Variants in SNTB2 observed in about 807,000 individuals in gnomAD.
SNTB2 encodes beta-2-syntrophin.
In SNTB2, 34 loss-of-function variants were observed where a neutral mutation model predicts 46.2. The ratio of observed to expected loss-of-function variants is 0.74; its 90% CI spans 0.56 to 0.98. The LOEUF (loss-of-function observed/expected upper bound fraction) is 0.98, where lower values mean the gene tolerates loss of function less well. SNTB2 is among the 50% of genes least tolerant of loss of function. SNTB2 has a pLI of 0.00. For missense variants in SNTB2, 603 were observed against 731.4 expected, an observed-to-expected ratio of 0.82 and a Z score of 2.02; for synonymous variants, 290 against 312.6, an observed-to-expected ratio of 0.93 and a Z score of 0.76.
rs1159581298 is a variant in SNTB2, at chr16:69,256,049, G to A, written c.795-4001G>A. Among the ~76,000 whole-genome samples the A allele has an allele frequency of 6.6e-5, 10 of 151,792 alleles. No individual in the cohort carries two copies. The East Asian group carries it at 1.2e-3, about 18-fold the overall frequency. On this transcript the variant is annotated intron_variant, in intron 2 of 6. Coordinates refer to ENST00000336278, the MANE Select transcript of SNTB2 (RefSeq NM_006750.4). ...AAAAGTACAAAAACTAGCCATGCGT[G>A]GTGGCCGGCGCCTGTAGTCCCAGCT...
rs1467249583 is a variant in SNTB2, at chr16:69,289,390, A to C, written c.1345+5146A>C. On this transcript the variant is annotated intron_variant, in intron 5 of 6. Transcript: ENST00000336278. ...GAAGGGTTGGTTAATGGGTATAAAC[A>C]TACAATTAGAAAGAAGGAATAAATT... Among the ~76,000 whole-genome samples, 4 of 152,164 alleles carry C rather than the reference A, an allele frequency of 2.6e-5. No individual in the cohort carries two copies. The East Asian group carries it at 7.7e-4, about 29-fold the overall frequency.
At chr16:69,295,576 T>G (rs547832155) in intron 5 of SNTB2, among the ~76,000 whole-genome samples, 1 of 152,222 alleles carries the variant, frequency 6.6e-6, no homozygotes, top group South Asian at 2.1e-4. Flanking sequence ...CTGACTTATC[T>G]ATAAATTGGA....
intron 1 of SNTB2, among the ~76,000 whole-genome samples, chr16:69,189,450 A>G (rs1488650979): frequency 6.6e-6 from 1 of 151,892 alleles, no homozygotes; most frequent in African/African-American, 2.4e-5. Context: ...CCATATTTAG[A>G]AAAAAAACAC....
intron 2 of SNTB2, among the ~76,000 whole-genome samples, chr16:69,252,963 G>A (rs1417133108): frequency 1.4e-5 from 2 of 147,214 alleles, no homozygotes; most frequent in Non-Finnish European, 3.0e-5. Context: ...GCAGTGGCAC[G>A]ATCTTGGCTC....
At chr16:69,207,897 C>T (rs961364649) in intron 1 of SNTB2, among the ~76,000 whole-genome samples, 1 of 151,426 alleles carries the variant, frequency 6.6e-6, no homozygotes, top group Non-Finnish European at 1.5e-5. Flanking sequence ...CACCTGAGAT[C>T]AGGAGTTCGA....
At chr16:69,295,115 C>G (rs1348427629) in intron 5 of SNTB2, among the ~76,000 whole-genome samples, 18 of 152,034 alleles carry the variant, frequency 1.2e-4, no homozygotes, top group Non-Finnish European at 8.8e-5. Flanking sequence ...GCCACTGCGC[C>G]CAGCCAAAAC....
At chr16:69,200,663 GTTTA>G (rs1036519318) in intron 1 of SNTB2, among the ~76,000 whole-genome samples, 8 of 152,024 alleles carry the variant, frequency 5.3e-5, no homozygotes, top group African/African-American at 1.2e-4. Flanking sequence ...GTTTTGTTTC[GTTTA>G]TTTATTTTAT....
chr16:69,235,753 T>A (rs1964553629), intron 1 of SNTB2: 1 of 1,289,242 alleles, frequency 7.8e-7, no homozygotes, highest in African/African-American at 1.5e-5. Flanking sequence ...TTCAGGCCTA[T>A]AATGAGGAAA....
intron 1 of SNTB2, among the ~76,000 whole-genome samples, chr16:69,217,923 C>G (rs1253151489): frequency 6.6e-6 from 1 of 152,126 alleles, no homozygotes; most frequent in Non-Finnish European, 1.5e-5. Flanking sequence ...TGAATTATTA[C>G]TGAGGTCTCC....
intron 2 of SNTB2, 91 bp downstream of exon 2, chr16:69,245,906 A>G: frequency 1.6e-6 from 2 of 1,262,394 alleles, no homozygotes; most frequent in Non-Finnish European, 2.3e-6. Context: ...ACTCAGTTAT[A>G]CAGAGGAAAA....
At chr16:69,242,882 G>T (rs902713559) in intron 1 of SNTB2, among the ~76,000 whole-genome samples, 1 of 152,110 alleles carries the variant, frequency 6.6e-6, no homozygotes, top group African/African-American at 2.4e-5. Context: ...TTAGCCGGGC[G>T]TGGTGGCGGG....
At chr16:69,265,830 GAA>G (rs762058012) in intron 3 of SNTB2, among the ~76,000 whole-genome samples, 2,658 of 67,494 alleles carry the variant, frequency 0.039, 84 homozygotes, top group African/African-American at 0.12. Flanking sequence ...CCGTGCCAAA[GAA>G]AAAAAAAAAA....
At chr16:69,274,526 G>A (rs986966778) in intron 4 of SNTB2, among the ~76,000 whole-genome samples, 4 of 151,822 alleles carry the variant, frequency 2.6e-5, no homozygotes, top group East Asian at 3.9e-4. Context: ...GGTGGCGGGC[G>A]CCTGTGGTCC....
intron 4 of SNTB2, among the ~76,000 whole-genome samples, chr16:69,275,259 C>G (rs1008458000): frequency 2.0e-5 from 3 of 151,962 alleles, no homozygotes; most frequent in African/African-American, 7.3e-5. Context: ...GAGGTGAGGT[C>G]TTGCTGTGTT....
intron 1 of SNTB2, among the ~76,000 whole-genome samples, chr16:69,232,973 A>G (rs761526257): frequency 3.9e-5 from 6 of 152,230 alleles, no homozygotes; most frequent in Non-Finnish European, 8.8e-5. Flanking sequence ...TCTTCAAAAA[A>G]GGATATTTCT....
chr16:69,231,768 G>A (rs1964508315), intron 1 of SNTB2, among the ~76,000 whole-genome samples: 1 of 152,082 alleles, frequency 6.6e-6, no homozygotes, highest in South Asian at 2.1e-4. Context: ...AATTTCCACA[G>A]GGAAATTTAC....
chr16:69,275,204 C>G (rs764332098), intron 4 of SNTB2, among the ~76,000 whole-genome samples: 17 of 151,948 alleles, frequency 1.1e-4, no homozygotes, highest in Non-Finnish European at 2.1e-4. Context: ...TCTCGAGTAG[C>G]TAGGACTATA....
intron 5 of SNTB2, among the ~76,000 whole-genome samples, chr16:69,295,786 T>A (rs1965217828): frequency 6.6e-6 from 1 of 151,158 alleles, no homozygotes; most frequent in Non-Finnish European, 1.5e-5. Flanking sequence ...TAAATCAGAA[T>A]GAAAGGCTTA....
chr16:69,190,875 A>G (rs1012603722), intron 1 of SNTB2, among the ~76,000 whole-genome samples: 2 of 152,140 alleles, frequency 1.3e-5, no homozygotes, highest in Non-Finnish European at 2.9e-5. Flanking sequence ...CCTCCCTCAA[A>G]GTTGTTAATT....
Sources: gnomAD v4.1 joint callset for allele counts (sites outside exome capture counted in the v4.1 genomes callset) on GRCh38, gnomAD v4.1.1 for gene constraint, MANE v1.5 for transcripts, NCBI Gene and HGNC (gene_info 2026-07-23, HGNC 2026-07-21) for gene names.